Variants in NOP56 observed in about 807,000 individuals in gnomAD.
NOP56 encodes the protein nucleolar protein 56.
A neutral mutation model predicts 58.3 loss-of-function variants in NOP56; 31 were observed. The ratio of observed to expected loss-of-function variants is 0.53; its 90% CI spans 0.40 to 0.72. The LOEUF is 0.72. NOP56 is among the 30% of genes least tolerant of loss of function. The probability of loss-of-function intolerance (pLI) is 0.00; values close to 1 mark genes in which losing one functional copy is unlikely to be tolerated. For missense variants in NOP56, 669 were observed against 739.9 expected, an observed-to-expected ratio of 0.90 and a Z score of 1.11; for synonymous variants, 313 against 282.8, an observed-to-expected ratio of 1.11 and a Z score of -1.07.
At chr20:2,655,304 A>T in intron 5 of NOP56, 21 bp from the exon 6 acceptor site, 1 of 1,614,092 alleles carries the variant, frequency 6.2e-7, no homozygotes, top group South Asian at 1.1e-5. Flanking sequence ...TGGGCCAGGG[A>T]GTGACTGTGG....
chr20:2,655,335 G>A lies in NOP56; in HGVS notation c.580G>A (p.Gly194Arg), dbSNP rs776210317. The change falls in exon 6 of 12, where the codon GGG becomes AGG. Residue 194 changes from glycine (G) to arginine (R), a missense_variant. Gly to Arg is a moderately radical substitution (Grantham distance 125, BLOSUM62 -2). This residue lies in a region of NOP56 where 339 missense variants were observed against 430.5 expected (regional missense o/e 0.79). Transcript: ENST00000329276. ...TGTGGCTCTTTGCAGGGAGTGGTAC[G>A]GGTATCACTTTCCGGAGCTGGTGAA... ...TFSMRVREWY[G>R]YHFPELVKII... 4 of 1,614,048 alleles carry A rather than the reference G, an allele frequency of 2.5e-6. No homozygotes were observed. The highest frequency in any genetic ancestry group is 1.7e-5 in the Admixed American group (1 of 60,006).
Position 2,655,286 on chromosome 20 carries a change from G to A in NOP56, c.570-39G>A, listed in dbSNP as rs200839654. ...AGGCTGTAGCTCTATGGTTTTTGAT[G>A]AAGCAGCTGGGCCAGGGAGTGACTG... On this transcript the variant is annotated intron_variant, in intron 5 of 11. Coordinates refer to ENST00000329276, the MANE Select transcript of NOP56 (RefSeq NM_006392.4). 2.7e-5 allele frequency: 44 copies of A among 1,612,688 alleles called. No individual in the cohort carries two copies. The African/African-American group carries it at 5.3e-4, about 20-fold the overall frequency.
intron 8 of NOP56, 129 bp from the exon 9 acceptor site, chr20:2,656,272 G>A (rs1455555110): frequency 6.2e-7 from 1 of 1,605,714 alleles, no homozygotes; most frequent in Non-Finnish European, 8.5e-7. Flanking sequence ...GGCATGCATT[G>A]GGGTAGAGAT....
In NOP56 at chr20:2,658,012, C is replaced by T. The variant is rs765131702; in HGVS notation, c.1503C>T (p.Ile501=). 6.2e-7 allele frequency: 1 copy of T among 1,613,006 alleles called. No individual in the cohort carries two copies. Reference sequence around the variant, plus strand: ...AGAATGGAATGGAAGACCCATCTATCTCTTTCTCCAAACCCAAGAAAAAGA... The same window carrying T: ...AGAATGGAATGGAAGACCCATCTATTTCTTTCTCCAAACCCAAGAAAAAGA... ...PQENGMEDPS[I]SFSKPKKKKS... Residue 501 remains isoleucine, a synonymous_variant, in exon 12 of 12, where the codon ATC becomes ATT. Coordinates refer to ENST00000329276, the MANE Select transcript of NOP56 (RefSeq NM_006392.4).
intron 2 of NOP56, 41 bp downstream of exon 2, chr20:2,652,972 C>T: frequency 5.3e-6 from 8 of 1,514,948 alleles, no homozygotes; most frequent in East Asian, 2.4e-5. Flanking sequence ...CCCCGCAGAC[C>T]CTCATCGCGC....
chr20:2,654,736 G>A lies in NOP56; in HGVS notation c.371-13G>A. On this transcript the variant is annotated splice_polypyrimidine_tract_variant and intron_variant, in intron 4 of 11. Transcript: ENST00000329276. The stretch of plus-strand genomic sequence containing the variant: ...AGAGCCCCTTGTTGCTCACCGTCTT[G>A]CCCTCTTCTTAGGAGTTCGTCTGCA... 1.2e-6 allele frequency: 2 copies of A among 1,613,210 alleles called. No homozygotes were observed. The highest frequency in any genetic ancestry group is 1.7e-6 in the Non-Finnish European group (2 of 1,179,976).
chr20:2,654,906 C>G lies in NOP56; in HGVS notation c.528C>G (p.Asp176Glu). The part of the protein sequence containing the change: ...NMIIQSISLL[D>E]QLDKDINTFS... ...TCATCCAGTCCATTAGCCTCCTGGA[C>G]CAGCTGGATAAGGACATCAATACCT... The change falls in exon 5 of 12, where the codon GAC becomes GAG. Residue 176 changes from aspartate (D) to glutamate (E), a missense_variant. Coordinates refer to ENST00000329276, the MANE Select transcript of NOP56 (RefSeq NM_006392.4). 1.2e-6 allele frequency: 2 copies of G among 1,614,206 alleles called. No homozygotes were observed. Among genetic ancestry groups the G allele is most frequent in the Non-Finnish European group, 1.7e-6 (2 of 1,180,044 alleles).
chr20:2,655,149 C>T (rs560415287), intron 5 of NOP56, 176 bp from the exon 6 acceptor site: 4 of 1,040,456 alleles, frequency 3.8e-6, no homozygotes, highest in Middle Eastern at 2.0e-4. Flanking sequence ...CCCATATACA[C>T]CTCAGCTCAG....
At chr20:2,656,984 A>C (rs746889839) in intron 10 of NOP56, 89 bp downstream of exon 10, 1 of 1,613,808 alleles carries the variant, frequency 6.2e-7, no homozygotes, top group South Asian at 1.1e-5. Flanking sequence ...AATGGAGGCA[A>C]AAAAACTGAT....
intron 6 of NOP56, 24 bp from the exon 7 acceptor site, chr20:2,655,571 G>C (rs767268886): frequency 6.2e-7 from 1 of 1,614,078 alleles, no homozygotes; most frequent in Non-Finnish European, 8.5e-7. Context: ...CTGGCCTCTT[G>C]CATTCACACT....
Position 2,657,213 on chromosome 20 carries a change from T to A in NOP56, c.1414T>A (p.Cys472Ser). ...AAACAGCAGTAGTACTCCAGAGGAGTGTGAGGTCAGTAGGCAGCACGGCCC... is the reference window on the plus strand; with the variant it reads ...AAACAGCAGTAGTACTCCAGAGGAGAGTGAGGTCAGTAGGCAGCACGGCCC... ...SENSSSTPEE[C>S]EEMSEKPKKK... The change falls in exon 11 of 12, where the codon TGT becomes AGT. Residue 472 changes from cysteine to serine, a missense_variant. Coordinates refer to ENST00000329276, the MANE Select transcript of NOP56 (RefSeq NM_006392.4). 1.9e-6 allele frequency: 3 copies of A among 1,613,696 alleles called. No individual in the cohort carries two copies. The highest frequency in any genetic ancestry group is 2.5e-6 in the Non-Finnish European group (3 of 1,179,912).
At chr20:2,653,136 C>G (rs2086772332) in intron 2 of NOP56, 143 bp from the exon 3 acceptor site, 2 of 831,990 alleles carry the variant, frequency 2.4e-6, no homozygotes, top group Non-Finnish European at 2.0e-6. Flanking sequence ...GACGCCGCCC[C>G]CGAACGATTA....
In NOP56 at chr20:2,656,396, C is replaced by T; in HGVS notation, c.1011-5C>T. 1 of 1,614,072 alleles carries T rather than the reference C, an allele frequency of 6.2e-7. No individual in the cohort carries two copies. Among genetic ancestry groups the T allele is most frequent in the Non-Finnish European group, 8.5e-7 (1 of 1,180,006 alleles). ...TCTTAAACTCTCCACTGAATATTCT[C>T]TCAGAGCCCTGAAGACAAGGGGTAA... is the stretch of plus-strand genomic sequence containing the variant. On this transcript the variant is annotated splice_region_variant and splice_polypyrimidine_tract_variant and intron_variant, in intron 8 of 11. Coordinates refer to ENST00000329276, the MANE Select transcript of NOP56 (RefSeq NM_006392.4).
chr20:2,657,032 T>C (rs1568543424), intron 10 of NOP56, 49 bp from the exon 11 acceptor site: 2 of 1,614,072 alleles, frequency 1.2e-6, no homozygotes, highest in Non-Finnish European at 8.5e-7. Flanking sequence ...AAAGGAGTCC[T>C]CAGAGCACCA....
rs1363518229 is a variant in NOP56, at chr20:2,652,841, GGTGCTGTTGCAC to G, written c.12_23del (p.Leu4_Leu7del). The G allele has an allele frequency of 1.9e-6, 3 of 1,610,178 alleles. No individual in the cohort carries two copies. Among genetic ancestry groups the G allele is most frequent in the Non-Finnish European group, 2.5e-6 (3 of 1,178,830 alleles). ...CGCTCGCGCCCCGGCTCCCGTTCCAGGTGCTGTTGCACGTGCTGTTTGAGCACGCGGTCGGCT... is the reference window on the plus strand; with the variant it reads ...CGCTCGCGCCCCGGCTCCCGTTCCAGGTGCTGTTTGAGCACGCGGTCGGCT... On this transcript the variant is annotated inframe_deletion and splice_region_variant, in exon 2 of 12. Transcript: ENST00000329276.
Position 2,652,871 on chromosome 20 carries a change from G to A in NOP56, c.33G>A (p.Ala11=). The A allele has an allele frequency of 6.2e-7, 1 of 1,611,460 alleles. No individual in the cohort carries two copies. The highest frequency in any genetic ancestry group is 1.1e-5 in the South Asian group (1 of 90,926). The change falls in exon 2 of 12, where the codon GCG becomes GCA. Residue 11 remains alanine (A), a synonymous_variant. Transcript: ENST00000329276. ...TGTTGCACGTGCTGTTTGAGCACGC[G>A]GTCGGCTACGCGCTGCTGGCGCTGA... is the stretch of plus-strand genomic sequence containing the variant. MVLLHVLFEH[A]VGYALLALKE... is the part of the protein sequence containing the mutation.
chr20:2,657,366 T>A (rs770106916), intron 11 of NOP56, 148 bp downstream of exon 11: 2 of 1,166,998 alleles, frequency 1.7e-6, no homozygotes, highest in Non-Finnish European at 2.5e-6. Context: ...ACCTCTTGAT[T>A]CTATAGGAAG....
rs760906975 is a variant in NOP56, at chr20:2,656,050, C to T, written c.1010+16C>T. 7.4e-6 allele frequency: 12 copies of T among 1,614,002 alleles called. No individual in the cohort carries two copies. The highest frequency in any genetic ancestry group is 1.6e-4 in the Middle Eastern group (1 of 6,084). ...CCCTGTTCAGGTACCAGTGAGGGCACCTGCCCACAATCAGGTGCCACTTCT... is the reference window on the plus strand; with the variant it reads ...CCCTGTTCAGGTACCAGTGAGGGCATCTGCCCACAATCAGGTGCCACTTCT... On this transcript the variant is annotated intron_variant, in intron 8 of 11. Coordinates refer to ENST00000329276, the MANE Select transcript of NOP56 (RefSeq NM_006392.4).
chr20:2,657,650 C>A (rs1044597302), intron 11 of NOP56: 23 of 516,834 alleles, frequency 4.5e-5, no homozygotes, highest in African/African-American at 4.2e-4. Flanking sequence ...GTTTCAGGGC[C>A]CTGTCTGGAA....
Sources: allele counts gnomAD v4.1 joint callset, GRCh38; gene constraint gnomAD v4.1.1; regional missense constraint gnomAD v4.1.1; transcripts MANE v1.5; gene names NCBI Gene and HGNC (gene_info 2026-07-23, HGNC 2026-07-21).